TBX1: variants seen among roughly 807,000 people sequenced by gnomAD.
TBX1 encodes the protein T-box transcription factor 1, also known as T-box transcription factor TBX1.
TBX1 carries 16 observed loss-of-function variants against 40.8 expected under a neutral mutation model. That is an observed-to-expected ratio of 0.39 (90% confidence interval 0.27 to 0.60). The LOEUF is 0.60. Ranked by LOEUF, TBX1 falls within the 20% of genes least tolerant of loss-of-function variation. The pLI is 0.51. For missense variants in TBX1, 755 were observed against 728.5 expected, an observed-to-expected ratio of 1.04 and a Z score of -0.42; for synonymous variants, 403 against 336.8, an observed-to-expected ratio of 1.20 and a Z score of -2.15.
At chr22:19,771,949 C>T (rs751767293), downstream of TBX1, among the ~76,000 whole-genome samples, 1 of 152,198 alleles carries the variant, frequency 6.6e-6, no homozygotes, top group Non-Finnish European at 1.5e-5. Context: ...GTGGTGACTC[C>T]GGCTTCTGTC....
At chr22:19,774,380 G>A (rs1478683684) in intron 8 of TBX1, among the ~76,000 whole-genome samples, 5 of 152,158 alleles carry the variant, frequency 3.3e-5, no homozygotes, top group African/African-American at 9.7e-5. Context: ...ACCACTCCAC[G>A]CCAGCCTGAG....
downstream of TBX1, chr22:19,767,421 A>G (rs371401425): frequency 2.9e-5 from 28 of 981,662 alleles, no homozygotes; most frequent in East Asian, 1.4e-3. Context: ...CAGGGCCCTC[A>G]GGGCCTCCCC....
intron 8 of TBX1, among the ~76,000 whole-genome samples, chr22:19,773,701 T>C (rs531935517): frequency 6.6e-6 from 1 of 152,224 alleles, no homozygotes; most frequent in Non-Finnish European, 1.5e-5. Context: ...CCTGTCCTTC[T>C]AACAGGTGAC....
chr22:19,780,965 G>A (rs1937137184), downstream of TBX1, among the ~76,000 whole-genome samples: 1 of 151,908 alleles, frequency 6.6e-6, no homozygotes, highest in African/African-American at 2.4e-5. Flanking sequence ...TGTAGTTTTA[G>A]TAGAGACGGG....
intron 8 of TBX1, among the ~76,000 whole-genome samples, chr22:19,775,065 C>T (rs1434684714): frequency 6.6e-6 from 1 of 152,050 alleles, no homozygotes; most frequent in Non-Finnish European, 1.5e-5. Flanking sequence ...AGGTGTGAGC[C>T]ACCACACCTG....
chr22:19,769,242 T>C (rs1243080487), downstream of TBX1, among the ~76,000 whole-genome samples: 2 of 152,218 alleles, frequency 1.3e-5, no homozygotes, highest in Non-Finnish European at 2.9e-5. Flanking sequence ...CTTTCAGGCA[T>C]GAGCCATCAC....
chr22:19,777,692 T>A (rs1222289824), intron 8 of TBX1, among the ~76,000 whole-genome samples: 1 of 151,900 alleles, frequency 6.6e-6, no homozygotes, highest in Non-Finnish European at 1.5e-5. Context: ...CTCTCCATCC[T>A]CTCTCAGCCC....
At position 19,766,753 on chromosome 22, in the gene TBX1, C is replaced by G. The variant is rs753192876; in HGVS notation, c.1401C>G (p.Pro467=). ...CGCATCCGCACCACCACCACCACCC[C>G]GTGAGTCCAGCCGCCGCGGCCGCCG... ...PHAHPHHHHH[P]VSPAAAAAAA... is the part of the protein sequence containing the mutation. The change falls in exon 7 of 7, where the codon CCC becomes CCG. Residue 467 remains proline (P), a synonymous_variant. Transcript: ENST00000649276. The G allele has an allele frequency of 5.9e-6, 9 of 1,530,230 alleles. No individual in the cohort carries two copies. The African/African-American group carries it at 1.2e-4, about 20-fold the overall frequency. 94.8% of individuals were successfully genotyped at this position (1,530,230 alleles called of 1,614,324 possible).
intron 2 of TBX1, chr22:19,763,802 C>T (rs898797637): frequency 4.8e-5 from 22 of 455,366 alleles, no homozygotes; most frequent in Non-Finnish European, 6.7e-5. Flanking sequence ...AAAGAGAACG[C>T]GCACTGCCCT....
At chr22:19,767,706 C>A (rs557143825), downstream of TBX1, among the ~76,000 whole-genome samples, 49 of 152,350 alleles carry the variant, frequency 3.2e-4, no homozygotes, top group African/African-American at 1.2e-3. Context: ...GGCCTGCGCC[C>A]TGGCCTGTTT....
downstream of TBX1, among the ~76,000 whole-genome samples, chr22:19,770,604 A>G (rs1936974085): frequency 6.6e-6 from 1 of 152,160 alleles, no homozygotes; most frequent in African/African-American, 2.4e-5. Flanking sequence ...GGCCCGGTGG[A>G]GATGAGACCC....
upstream of TBX1, chr22:19,759,740 G>A (rs1481146603): frequency 1.3e-6 from 2 of 1,584,232 alleles, no homozygotes; most frequent in Non-Finnish European, 1.7e-6. Flanking sequence ...AGCTGCTGTG[G>A]GGCCCGGGTG....
chr22:19,768,430 G>C (rs1411875937), downstream of TBX1, among the ~76,000 whole-genome samples: 2 of 152,224 alleles, frequency 1.3e-5, no homozygotes, highest in African/African-American at 2.4e-5. Flanking sequence ...TAGGGTGGGA[G>C]GGGGTCTCCA....
At chr22:19,764,881 A>T in intron 3 of TBX1, 77 bp from the exon 4 acceptor site, 1 of 1,573,406 alleles carries the variant, frequency 6.4e-7, no homozygotes, top group Non-Finnish European at 8.7e-7. Context: ...CTCAGACCTC[A>T]GCCCATTTCC....
At chr22:19,782,935 G>A (rs1937155928), downstream of TBX1, 3 of 1,606,746 alleles carry the variant, frequency 1.9e-6, no homozygotes, top group South Asian at 2.2e-5. Context: ...AAGGCTCTGG[G>A]CTCCAACCTG....
chr22:19,768,770 C>G (rs867747394), downstream of TBX1, among the ~76,000 whole-genome samples: 1 of 152,044 alleles, frequency 6.6e-6, no homozygotes, highest in Non-Finnish European at 1.5e-5. Context: ...GAAAAGCCCT[C>G]CCCTGAACAA....
Position 19,774,699 on chromosome 22 carries a change from C to T in TBX1, c.1010-4521C>T, listed in dbSNP as rs41297794. Among the ~76,000 whole-genome samples, 379 of 152,192 alleles carry T rather than the reference C, an allele frequency of 2.5e-3. 3 individuals carry two copies. Among genetic ancestry groups the T allele is most frequent in the African/African-American group, 8.9e-3 (368 of 41,500 alleles). On this transcript the variant is annotated intron_variant, in intron 8 of 8. Coordinates refer to the TBX1 transcript ENST00000329705. ...GATGAACCCTGAGGTCCTTATGCTC[C>T]GTGAATTGAGCCGGTCACAAAGGAC...
chr22:19,779,976 T>C (rs5992481), downstream of TBX1, among the ~76,000 whole-genome samples: 43,322 of 152,000 alleles, frequency 0.29, 6,581 homozygotes, highest in East Asian at 0.45. Flanking sequence ...CATTTACTTA[T>C]TTATTTTTTA....
rs986160448 is a variant in TBX1 at position 19,767,264 on chromosome 22, A to C, written c.*397A>C. ...CCCCGCCTGCAGGCGGTGTAGATACATGTAGATACTGTAGATACTGTAGAT... is the reference window on the plus strand; with the variant it reads ...CCCCGCCTGCAGGCGGTGTAGATACCTGTAGATACTGTAGATACTGTAGAT... On this transcript the variant is annotated 3_prime_UTR_variant, in exon 7 of 7. Coordinates refer to ENST00000649276, the MANE Select transcript of TBX1 (RefSeq NM_001379200.1). 3.9e-6 allele frequency: 4 copies of C among 1,026,040 alleles called. No individual in the cohort carries two copies. Among genetic ancestry groups the C allele is most frequent in the African/African-American group, 3.4e-5 (2 of 58,320 alleles). The allele number at this position is 1,026,040 out of a possible 1,614,324, so 63.6% of individuals were successfully genotyped here.
Sources: allele counts gnomAD v4.1 joint callset (sites outside exome capture counted in the v4.1 genomes callset), GRCh38; gene constraint gnomAD v4.1.1; transcripts MANE v1.5; gene names NCBI Gene and HGNC (gene_info 2026-07-23, HGNC 2026-07-21).